COL22A1: variants seen among roughly 807,000 people sequenced by gnomAD.
COL22A1 encodes collagen alpha-1(XXII) chain.
Under a neutral mutation model 248.9 loss-of-function variants are expected in COL22A1, and 221 were observed. The ratio of observed to expected loss-of-function variants is 0.89; its 90% CI spans 0.80 to 0.99. The LOEUF is 0.99. Among genes scored for constraint, COL22A1 ranks in the 50% least tolerant of loss-of-function variants. COL22A1 has a pLI of 0.00. For synonymous variants in COL22A1, 891 were observed against 793.4 expected, an observed-to-expected ratio of 1.12 and a Z score of -2.07; for missense variants, 2,240 against 2,179.0, an observed-to-expected ratio of 1.03 and a Z score of -0.56.
intron 13 of COL22A1, 120 bp downstream of exon 13, chr8:138,780,807 T>C (rs1814899234): frequency 2.5e-6 from 2 of 812,458 alleles, no homozygotes; most frequent in Admixed American, 3.8e-5. Context: ...CTAATATAAA[T>C]ACGTCCCCAC....
chr8:138,757,498 A>G (rs1833113686), intron 18 of COL22A1, among the ~76,000 whole-genome samples: 1 of 152,164 alleles, frequency 6.6e-6, no homozygotes, highest in African/African-American at 2.4e-5. Flanking sequence ...AATAACAGTT[A>G]TGAAATCAAT....
intron 4 of COL22A1, among the ~76,000 whole-genome samples, chr8:138,843,211 C>T (rs1328287403): frequency 1.3e-5 from 2 of 152,160 alleles, no homozygotes; most frequent in Admixed American, 6.5e-5. Flanking sequence ...GATGCAGATG[C>T]TGGCATCTTT....
intron 62 of COL22A1, among the ~76,000 whole-genome samples, chr8:138,596,311 C>T (rs1817536130): frequency 6.6e-6 from 1 of 152,208 alleles, no homozygotes; most frequent in Admixed American, 6.5e-5. Flanking sequence ...GGCCTGCCTG[C>T]CCTGCTCAGG....
At chr8:138,718,121 C>CA (rs35646900) in intron 27 of COL22A1, among the ~76,000 whole-genome samples, 36,488 of 146,148 alleles carry the variant, frequency 0.25, 4,659 homozygotes, top group Middle Eastern at 0.32. Flanking sequence ...GAGAGAAAGA[C>CA]AAAAAAAAAA....
chr8:138,850,183 T>G (rs1023716712), intron 3 of COL22A1, among the ~76,000 whole-genome samples: 1 of 152,130 alleles, frequency 6.6e-6, no homozygotes. Context: ...ATTCCTGGCT[T>G]GCATTTCTCC....
Position 138,700,126 on chromosome 8 carries a change from G to A in COL22A1, c.2578C>T (p.His860Tyr). 1.2e-6 allele frequency: 2 copies of A among 1,613,660 alleles called. No homozygotes were observed. Among genetic ancestry groups the A allele is most frequent in the Non-Finnish European group, 1.7e-6 (2 of 1,179,906 alleles). The change falls in exon 32 of 65, where the codon CAT becomes TAT. Residue 860 changes from histidine to tyrosine, a missense_variant. His to Tyr is a moderately conservative substitution (Grantham distance 83). Coordinates refer to ENST00000303045, the MANE Select transcript of COL22A1 (RefSeq NM_152888.3). ...LPGTTSLFTP[H>Y]PRMPGEQGPK... ...CTACTACTTACGGGCATCCGTGGAT[G>A]TGGTGTGAACAGGGATGTCTGAAAA...
intron 44 of COL22A1, among the ~76,000 whole-genome samples, chr8:138,658,644 T>C (rs1350499980): frequency 6.6e-6 from 1 of 152,196 alleles, no homozygotes; most frequent in Admixed American, 6.5e-5. Context: ...TGTGCACCTT[T>C]TTCCTCTGCT....
chr8:138,691,433 T>C (rs1345550930), intron 35 of COL22A1, among the ~76,000 whole-genome samples: 1 of 149,446 alleles, frequency 6.7e-6, no homozygotes, highest in Non-Finnish European at 1.5e-5. Flanking sequence ...GTGTGCACGT[T>C]TGTGAAGGTG....
At chr8:138,846,993 G>A (rs1821292016) in intron 3 of COL22A1, among the ~76,000 whole-genome samples, 1 of 152,188 alleles carries the variant, frequency 6.6e-6, no homozygotes, top group African/African-American at 2.4e-5. Context: ...CCTCCTCCTG[G>A]ATCTTAGAGA....
intron 42 of COL22A1, among the ~76,000 whole-genome samples, chr8:138,662,511 G>A (rs537203548): frequency 2.3e-4 from 35 of 152,252 alleles, no homozygotes; most frequent in Admixed American, 2.0e-4. Flanking sequence ...TATGCCTGGC[G>A]ATTACAACTC....
chr8:138,797,805 T>C (rs929276012), intron 11 of COL22A1, among the ~76,000 whole-genome samples: 31 of 152,296 alleles, frequency 2.0e-4, no homozygotes, highest in African/African-American at 7.0e-4. Flanking sequence ...TCATTCCTCC[T>C]TTAAATTCTG....
chr8:138,783,412 C>CAGGATGTTG (rs1321326556), intron 12 of COL22A1, among the ~76,000 whole-genome samples: 2 of 152,036 alleles, frequency 1.3e-5, no homozygotes, highest in African/African-American at 4.8e-5. Flanking sequence ...AACTGAGGAA[C>CAGGATGTTG]CTGGAGTTCA....
intron 58 of COL22A1, 141 bp from the exon 59 acceptor site, chr8:138,604,910 C>T (rs1192073451): frequency 1.2e-6 from 1 of 802,124 alleles, no homozygotes; most frequent in African/African-American, 1.7e-5. Flanking sequence ...CAAGGACATC[C>T]CAGACAGGCT....
intron 4 of COL22A1, 66 bp from the exon 5 acceptor site, chr8:138,833,216 A>G (rs1357867925): frequency 1.0e-5 from 12 of 1,148,220 alleles, no homozygotes; most frequent in Non-Finnish European, 1.4e-5. Flanking sequence ...AAGGAAAATC[A>G]CATCCGCTGT....
chr8:138,694,273 C>A (rs373341822), intron 34 of COL22A1, among the ~76,000 whole-genome samples: 6 of 152,306 alleles, frequency 3.9e-5, no homozygotes, highest in African/African-American at 1.2e-4. Flanking sequence ...CTACACCAAC[C>A]CTTTAGTGAC....
chr8:138,897,857 T>C (rs1814240532), intron 1 of COL22A1, among the ~76,000 whole-genome samples: 1 of 151,710 alleles, frequency 6.6e-6, no homozygotes, highest in Admixed American at 6.6e-5. Flanking sequence ...TGCAACAAAT[T>C]GCCATGGACT....
In COL22A1 at chr8:138,694,827, G is replaced by A. The variant is rs1261315047; in HGVS notation, c.2645C>T (p.Pro882Leu). Residue 882 changes from proline to leucine, a missense_variant and splice_region_variant, in exon 33 of 65, where the codon CCG becomes CTG. Pro to Leu is a moderately conservative substitution (Grantham distance 98). Coordinates refer to ENST00000303045, the MANE Select transcript of COL22A1 (RefSeq NM_152888.3). ...EKGDPGLPGE[P>L]GLQGRPGELG... ...GGGAAGGGGACACAAGAGACTCACC[G>A]GTTCCCCAGGCAGGCCTGGATCGCC... The A allele has an allele frequency of 6.2e-6, 10 of 1,613,860 alleles. No individual in the cohort carries two copies. The highest frequency in any genetic ancestry group is 3.3e-5 in the South Asian group (3 of 91,062).
chr8:138,809,435 C>T (rs1055767932), intron 9 of COL22A1, among the ~76,000 whole-genome samples: 3 of 152,136 alleles, frequency 2.0e-5, no homozygotes, highest in Non-Finnish European at 4.4e-5. Context: ...TTGAATCATG[C>T]CATCCTAGGC....
At chr8:138,869,882 C>T (rs944889842) in intron 3 of COL22A1, among the ~76,000 whole-genome samples, 1 of 152,160 alleles carries the variant, frequency 6.6e-6, no homozygotes, top group Non-Finnish European at 1.5e-5. Context: ...CCAGAGGGAA[C>T]AGCTGGGTGG....
Sources: gnomAD v4.1 joint callset for allele counts (sites outside exome capture counted in the v4.1 genomes callset) on GRCh38, gnomAD v4.1.1 for gene constraint, MANE v1.5 for transcripts, NCBI Gene and HGNC (gene_info 2026-07-23, HGNC 2026-07-21) for gene names.